The following UBR3 variants were observed in gnomAD, a reference collection of about 807,000 sequenced individuals.
UBR3 encodes E3 ubiquitin-protein ligase UBR3.
A neutral mutation model predicts 243.2 loss-of-function variants in UBR3; 85 were observed. The ratio of observed to expected loss-of-function variants is 0.35; its 90% CI spans 0.29 to 0.42. The LOEUF is 0.42. Among genes scored for constraint, UBR3 ranks in the 10% least tolerant of loss-of-function variants. The pLI, the probability that UBR3 is intolerant of heterozygous loss-of-function variation, is 1.00. For missense variants in UBR3, 1,686 were observed against 2,300.8 expected (o/e 0.73, Z 5.47); for synonymous variants, 748 against 799.8 (o/e 0.94, Z 1.09).
At chr2:170,032,986 ATTT>A in intron 31 of UBR3, among the ~76,000 whole-genome samples, 1 of 152,074 alleles carries the variant, frequency 6.6e-6, no homozygotes, top group Non-Finnish European at 1.5e-5. Context: ...CAAACTGAGT[ATTT>A]TGTGTGTTGT....
intron 3 of UBR3, 74 bp downstream of exon 3, chr2:169,876,023 C>A: frequency 8.4e-7 from 1 of 1,195,388 alleles, no homozygotes; most frequent in South Asian, 2.5e-5. Context: ...TCTTTTAGAA[C>A]TTAAAGGTAA....
chr2:170,055,288 C>T (rs1241328383), intron 32 of UBR3, among the ~76,000 whole-genome samples, 172 bp from the exon 33 acceptor site: 5 of 152,128 alleles, frequency 3.3e-5, no homozygotes, highest in Non-Finnish European at 7.4e-5. Context: ...CTCCAGGCAC[C>T]ACACTGCCTG....
At chr2:169,929,876 G>C (rs1202438454) in intron 18 of UBR3, among the ~76,000 whole-genome samples, 5 of 152,130 alleles carry the variant, frequency 3.3e-5, no homozygotes, top group African/African-American at 9.7e-5. Context: ...TGCCCATTTT[G>C]AAGTTGTAAA....
intron 1 of UBR3, among the ~76,000 whole-genome samples, chr2:169,856,143 A>G (rs2082846618): frequency 1.4e-5 from 2 of 146,442 alleles, no homozygotes; most frequent in South Asian, 4.3e-4. Flanking sequence ...GACGCTCCTC[A>G]CCTCCCAGAC....
rs532528401 is a variant in UBR3 at position 169,852,954 on chromosome 2, C to T, written c.546-19282C>T. 2.7e-5 allele frequency among the ~76,000 whole-genome samples: 4 copies of T among 148,956 alleles called. No individual in the cohort carries two copies. In the East Asian group the frequency reaches 7.9e-4, roughly 29 times the overall value. ...ATATAAATTTATGTTTTTTTCTCAACCAAATTATTAGCAAACGTGTGTATG... is the reference window on the plus strand; with the variant it reads ...ATATAAATTTATGTTTTTTTCTCAATCAAATTATTAGCAAACGTGTGTATG... On this transcript the variant is annotated intron_variant, in intron 1 of 38. Coordinates refer to ENST00000272793, the MANE Select transcript of UBR3 (RefSeq NM_172070.4).
intron 1 of UBR3, among the ~76,000 whole-genome samples, chr2:169,849,679 C>T (rs1040198451): frequency 1.3e-5 from 2 of 152,158 alleles, no homozygotes; most frequent in African/African-American, 4.8e-5. Context: ...GATGGTATAT[C>T]CCTCTCTCTA....
rs560570551 is a variant in UBR3, at chr2:169,876,327, G to A, written c.844+378G>A. ...GATCTCCTGACCTCATGATCCGCCC[G>A]CCTTGGCCTTCCGAAGTGCTGGGAT... On this transcript the variant is annotated intron_variant, in intron 3 of 38. Coordinates refer to ENST00000272793, the MANE Select transcript of UBR3 (RefSeq NM_172070.4). Among the ~76,000 whole-genome samples, 167 of 152,092 alleles carry A rather than the reference G, an allele frequency of 1.1e-3. No homozygotes were observed. The Middle Eastern group carries it at 0.014, about 12-fold the overall frequency.
intron 35 of UBR3, among the ~76,000 whole-genome samples, chr2:170,072,769 C>T (rs2091727492): frequency 6.6e-6 from 1 of 152,076 alleles, no homozygotes; most frequent in Non-Finnish European, 1.5e-5. Context: ...AGAGTAGACA[C>T]ATTAGCTTCC....
At chr2:169,905,390 C>A in intron 9 of UBR3, 97 bp downstream of exon 9, 3 of 881,036 alleles carry the variant, frequency 3.4e-6, no homozygotes, top group Non-Finnish European at 4.7e-6. Context: ...ATCATTCACG[C>A]TACACATGAA....
At position 169,934,560 on chromosome 2, in the gene UBR3, C is replaced by T. The variant is rs147651269; in HGVS notation, c.2663+1552C>T. ...CGATTTGTTTGCTATTGATCATTTT[C>T]ATCTGCTTTTTAATTTTAAGGGACA... On this transcript the variant is annotated intron_variant, in intron 19 of 38. Transcript: ENST00000272793. Among the ~76,000 whole-genome samples, 123 of 152,280 alleles carry T rather than the reference C, an allele frequency of 8.1e-4. 1 individual carries two copies. The highest frequency in any genetic ancestry group is 2.5e-3 in the Admixed American group (38 of 15,298).
chr2:170,062,095 C>T (rs769880012), intron 35 of UBR3, among the ~76,000 whole-genome samples: 16 of 152,070 alleles, frequency 1.1e-4, no homozygotes, highest in East Asian at 7.7e-4. Context: ...GTCAGAAAAC[C>T]GGTTGGTTGA....
intron 19 of UBR3, among the ~76,000 whole-genome samples, chr2:169,934,231 A>G (rs907840441): frequency 1.3e-5 from 2 of 152,242 alleles, no homozygotes; most frequent in African/African-American, 2.4e-5. Context: ...AAGCATTTGC[A>G]TGGAAAACCT....
At chr2:169,857,518 G>A (rs559266883) in intron 1 of UBR3, among the ~76,000 whole-genome samples, 3 of 151,738 alleles carry the variant, frequency 2.0e-5, no homozygotes, top group African/African-American at 2.4e-5. Flanking sequence ...CCAAGTTCAA[G>A]CGTTCCTCCT....
At chr2:169,984,829 A>C (rs1485846736) in intron 24 of UBR3, among the ~76,000 whole-genome samples, 1 of 152,200 alleles carries the variant, frequency 6.6e-6, no homozygotes, top group Non-Finnish European at 1.5e-5. Context: ...ATTTCAAATA[A>C]AAAGTACTCT....
intron 18 of UBR3, among the ~76,000 whole-genome samples, chr2:169,931,373 A>AAAG (rs1491140753): frequency 5.9e-5 from 8 of 136,058 alleles, no homozygotes; most frequent in Non-Finnish European, 9.7e-5. Context: ...AAAAAAAAAA[A>AAAG]GGACGATAAA....
At chr2:169,966,042 A>C (rs1469369234) in intron 24 of UBR3, among the ~76,000 whole-genome samples, 1 of 152,194 alleles carries the variant, frequency 6.6e-6, no homozygotes, top group Non-Finnish European at 1.5e-5. Context: ...AATGCAACAC[A>C]TTTCTACTGT....
rs77030024 is a variant in UBR3 at position 169,952,216 on chromosome 2, C to T, written c.3545+2151C>T. Among the ~76,000 whole-genome samples the T allele has an allele frequency of 7.1e-3, 1,074 of 152,082 alleles. 8 individuals are homozygous for T. Among genetic ancestry groups the T allele is most frequent in the African/African-American group, 0.02 (814 of 41,474 alleles). ...AAGGGGTACCTACAAAGGTGACTGA[C>T]GAAGGGATGGCTGAGCAGAGTAAGA... On this transcript the variant is annotated intron_variant, in intron 23 of 38. Transcript: ENST00000272793.
intron 32 of UBR3, among the ~76,000 whole-genome samples, chr2:170,052,989 G>T (rs1330284940): frequency 1.3e-5 from 2 of 152,140 alleles, no homozygotes; most frequent in East Asian, 3.8e-4. Context: ...TTATACCTCA[G>T]TAAAGCTGGA....
chr2:170,068,620 A>G (rs2091631050), intron 35 of UBR3, among the ~76,000 whole-genome samples: 1 of 152,212 alleles, frequency 6.6e-6, no homozygotes, highest in Non-Finnish European at 1.5e-5. Context: ...AACAGAAATC[A>G]GTGAAGTTGT....
Sources: gnomAD v4.1 joint callset for allele counts (sites outside exome capture counted in the v4.1 genomes callset) on GRCh38, gnomAD v4.1.1 for gene constraint, MANE v1.5 for transcripts, NCBI Gene and HGNC (gene_info 2026-07-23, HGNC 2026-07-21) for gene names.